Variants in RPH3AL observed in about 807,000 individuals in gnomAD.
RPH3AL encodes the protein rabphilin 3A like (without C2 domains).
Under a neutral mutation model 43.1 loss-of-function variants are expected in RPH3AL, and 38 were observed. The observed-to-expected ratio is 0.88, with a 90% confidence interval of 0.68 to 1.15. The LOEUF is 1.15. Ranked by LOEUF, RPH3AL falls within the 50% of genes most tolerant of loss-of-function variation. RPH3AL has a pLI of 0.00. For missense variants in RPH3AL, 462 were observed against 423.2 expected, an observed-to-expected ratio of 1.09 and a Z score of -0.81; for synonymous variants, 189 against 176.3, an observed-to-expected ratio of 1.07 and a Z score of -0.57.
At chr17:309,880 T>C (rs2043601546) in intron 5 of RPH3AL, among the ~76,000 whole-genome samples, 1 of 152,006 alleles carries the variant, frequency 6.6e-6, no homozygotes, top group Non-Finnish European at 1.5e-5. Context: ...GCCCCTTCCC[T>C]CCATGCTGGG....
intron 6 of RPH3AL, among the ~76,000 whole-genome samples, chr17:253,174 G>A (rs1470860820): frequency 1.3e-5 from 2 of 152,188 alleles, no homozygotes; most frequent in Non-Finnish European, 2.9e-5. Flanking sequence ...AGTGAGGGGC[G>A]TGGGGCGAAC....
chr17:251,503 C>A (rs1191638646), intron 6 of RPH3AL, among the ~76,000 whole-genome samples: 1 of 152,194 alleles, frequency 6.6e-6, no homozygotes, highest in Non-Finnish European at 1.5e-5. Context: ...AGAGTCTCAC[C>A]CAACAGTTTA....
intron 6 of RPH3AL, among the ~76,000 whole-genome samples, chr17:249,676 CAAAA>C (rs35942725): frequency 2.2e-5 from 2 of 90,480 alleles, no homozygotes; most frequent in Non-Finnish European, 2.3e-5. Flanking sequence ...AGAGTCAAGC[CAAAA>C]AAAAAAAAAA....
rs751844481 is a variant in RPH3AL, at chr17:243,160, T to TG, written c.613+3950_613+3951insC. 4.9e-4 allele frequency among the ~76,000 whole-genome samples: 70 copies of TG among 142,080 alleles called. 1 individual carries two copies. The highest frequency in any genetic ancestry group is 9.7e-4 in the South Asian group (4 of 4,128). The allele number at this position is 142,080 out of a possible 152,430, so 93.2% of individuals were successfully genotyped here. A position where few individuals can be genotyped will look rare whatever the true frequency, so the allele number is the denominator to read the frequency against. On this transcript the variant is annotated intron_variant, in intron 7 of 9. Transcript: ENST00000331302. ...TACTGATTGCCCCTCCTCTATTGAT[T>TG]ACCTTCCTCTATTGATTACCCTTCC... is the stretch of plus-strand genomic sequence containing the variant.
intron 5 of RPH3AL, among the ~76,000 whole-genome samples, chr17:299,458 C>A (rs2151635113): frequency 6.6e-6 from 1 of 152,150 alleles, no homozygotes; most frequent in Middle Eastern, 3.4e-3. Context: ...GAGGCCCAGG[C>A]TAAAAGGACC....
At chr17:247,008 G>C in intron 7 of RPH3AL, 103 bp downstream of exon 7, 4 of 1,251,498 alleles carry the variant, frequency 3.2e-6, no homozygotes, top group Non-Finnish European at 4.6e-6. Flanking sequence ...TGAGCCTCGT[G>C]GATGGAGGGT....
intron 6 of RPH3AL, among the ~76,000 whole-genome samples, chr17:253,462 C>G (rs1426406072): frequency 6.6e-6 from 1 of 152,108 alleles, no homozygotes; most frequent in Non-Finnish European, 1.5e-5. Context: ...TTTGCGGCAC[C>G]GGACCACGGT....
intron 8 of RPH3AL, among the ~76,000 whole-genome samples, chr17:219,355 C>T (rs919327397): frequency 6.6e-6 from 1 of 151,194 alleles, no homozygotes; most frequent in East Asian, 1.9e-4. Context: ...CCCGCCACCA[C>T]ACCCAGCTAA....
At chr17:314,721 C>CGTTG (rs2043842854) in intron 5 of RPH3AL, among the ~76,000 whole-genome samples, 3 of 104,754 alleles carry the variant, frequency 2.9e-5, no homozygotes, top group Admixed American at 9.0e-5. Flanking sequence ...GCTCCACCTC[C>CGTTG]ACTGACCTGT....
intron 1 of RPH3AL, among the ~76,000 whole-genome samples, chr17:343,850 G>A (rs970812035): frequency 7.2e-5 from 11 of 152,114 alleles, no homozygotes; most frequent in African/African-American, 2.7e-4. Flanking sequence ...TGATAGAGGT[G>A]GTGTAGGTAA....
intron 5 of RPH3AL, among the ~76,000 whole-genome samples, chr17:299,659 G>A (rs933070261): frequency 4.6e-5 from 7 of 152,244 alleles, no homozygotes; most frequent in East Asian, 1.9e-4. Flanking sequence ...GTGAAGAATC[G>A]CAGGCCTCCC....
At chr17:250,191 CGCTGCGGG>C in intron 6 of RPH3AL, among the ~76,000 whole-genome samples, 1 of 149,468 alleles carries the variant, frequency 6.7e-6, no homozygotes, top group Non-Finnish European at 1.5e-5. Flanking sequence ...TAAGCTCCAT[CGCTGCGGG>C]ACCTCTCAGA....
chr17:238,248 G>A (rs1316313144), intron 7 of RPH3AL, among the ~76,000 whole-genome samples: 1 of 151,264 alleles, frequency 6.6e-6, no homozygotes, highest in Non-Finnish European at 1.5e-5. Context: ...GGGAGGGACA[G>A]AAAGAGAGAG....
intron 7 of RPH3AL, among the ~76,000 whole-genome samples, chr17:239,895 C>T (rs2041486585): frequency 6.6e-6 from 1 of 152,194 alleles, no homozygotes; most frequent in Non-Finnish European, 1.5e-5. Context: ...TCCCAAAATG[C>T]TGGGATTACA....
intron 6 of RPH3AL, among the ~76,000 whole-genome samples, chr17:251,847 G>A (rs12602957): frequency 0.11 from 16,926 of 152,292 alleles, 1,218 homozygotes; most frequent in Non-Finnish European, 0.15. Context: ...ACCGTGGGCT[G>A]GGCCTGGGGG....
chr17:228,611 T>G (rs1244298407), intron 7 of RPH3AL, among the ~76,000 whole-genome samples: 2 of 152,184 alleles, frequency 1.3e-5, no homozygotes, highest in East Asian at 3.9e-4. Flanking sequence ...CAAGCTGGGC[T>G]TTGTAGGACA....
At chr17:260,707 A>G (rs2042177026) in intron 6 of RPH3AL, among the ~76,000 whole-genome samples, 1 of 152,056 alleles carries the variant, frequency 6.6e-6, no homozygotes, top group Non-Finnish European at 1.5e-5. Flanking sequence ...TACCTGACAC[A>G]CACTCACAAT....
chr17:285,095 C>A (rs770216176), intron 5 of RPH3AL, among the ~76,000 whole-genome samples: 2 of 152,176 alleles, frequency 1.3e-5, no homozygotes, highest in Non-Finnish European at 2.9e-5. Context: ...ACAGCAGCGC[C>A]CGACCAGGAC....
chr17:219,835 C>T (rs548894445), intron 7 of RPH3AL, 99 bp from the exon 8 acceptor site: 51 of 836,174 alleles, frequency 6.1e-5, no homozygotes, highest in South Asian at 2.6e-4. Context: ...CTCATTACCA[C>T]GTGGCGTAGC....
Sources: gnomAD v4.1 joint callset for allele counts (sites outside exome capture counted in the v4.1 genomes callset) on GRCh38, gnomAD v4.1.1 for gene constraint, MANE v1.5 for transcripts, NCBI Gene and HGNC (gene_info 2026-07-23, HGNC 2026-07-21) for gene names.